Variants in DENND1A observed in about 807,000 individuals in gnomAD.
DENND1A encodes the protein DENN domain containing 1A.
In DENND1A, 51 loss-of-function variants were observed where a neutral mutation model predicts 113.7. That is an observed-to-expected ratio of 0.45 (90% CI 0.36 to 0.57). The LOEUF (loss-of-function observed/expected upper bound fraction) is 0.57. Among genes scored for constraint, DENND1A ranks in the 20% least tolerant of loss-of-function variants. The pLI is 0.00. For synonymous variants in DENND1A, 565 were observed against 570.8 expected (o/e 0.99, Z 0.14); for missense variants, 1,258 against 1,395.9 (o/e 0.90, Z 1.57).
intron 13 of DENND1A, among the ~76,000 whole-genome samples, chr9:123,462,446 A>T (rs10733663): frequency 6.6e-6 from 1 of 152,208 alleles, no homozygotes; most frequent in Non-Finnish European, 1.5e-5. Flanking sequence ...TTCTCCCTGC[A>T]GCCTCAGTCC....
At position 123,914,414 on chromosome 9, in the gene DENND1A, G is replaced by A. The variant is rs1854671081; in HGVS notation, c.17+15475C>T. Among the ~76,000 whole-genome samples the A allele has an allele frequency of 3.3e-5, 5 of 151,620 alleles. No homozygotes were observed. In the East Asian group the frequency reaches 5.8e-4, roughly 18 times the overall value. On this transcript the variant is annotated intron_variant, in intron 1 of 23. Transcript: ENST00000394215. Reference sequence around the variant, plus strand: ...AAATTAGCCGAGCATGGTGGCGAGCGCCTGTATGTAGTTCCAGCTACTCTG... The same window carrying A: ...AAATTAGCCGAGCATGGTGGCGAGCACCTGTATGTAGTTCCAGCTACTCTG...
At chr9:123,577,300 T>C (rs2058684027) in intron 12 of DENND1A, among the ~76,000 whole-genome samples, 1 of 152,166 alleles carries the variant, frequency 6.6e-6, no homozygotes, top group African/African-American at 2.4e-5. Context: ...TCTAGGTGTA[T>C]TTGTTGCTTA....
chr9:123,886,954 C>G (rs1463001780), intron 1 of DENND1A, among the ~76,000 whole-genome samples: 3 of 152,080 alleles, frequency 2.0e-5, no homozygotes, highest in Admixed American at 1.3e-4. Context: ...TCCATATATC[C>G]CTACGGGAAG....
intron 5 of DENND1A, among the ~76,000 whole-genome samples, chr9:123,749,113 T>C (rs545856605): frequency 1.3e-5 from 2 of 152,340 alleles, no homozygotes; most frequent in Admixed American, 6.5e-5. Flanking sequence ...GGAAGAATCA[T>C]TGCCATATCA....
At chr9:123,818,198 A>T (rs910953346) in intron 2 of DENND1A, among the ~76,000 whole-genome samples, 1 of 151,454 alleles carries the variant, frequency 6.6e-6, no homozygotes, top group Non-Finnish European at 1.5e-5. Flanking sequence ...TCCGCCTCCC[A>T]GGTTCACACC....
chr9:123,713,647 C>A (rs1334732180), intron 5 of DENND1A, among the ~76,000 whole-genome samples: 7 of 151,410 alleles, frequency 4.6e-5, no homozygotes, highest in Non-Finnish European at 1.0e-4. Context: ...CAGTTTTCCA[C>A]AAGTTGGGGT....
Position 123,381,901 on chromosome 9 carries a change from G to A in DENND1A, c.2744C>T (p.Pro915Leu), listed in dbSNP as rs746547346. The change falls in exon 24 of 24, where the codon CCT becomes CTT. Residue 915 changes from proline (P) to leucine (L), a missense_variant. Pro to Leu is a moderately conservative substitution (Grantham distance 98, BLOSUM62 -3). Coordinates refer to ENST00000394215, the MANE Select transcript of DENND1A (RefSeq NM_001352964.2). The surrounding 1 kb of genome is among the most constrained non-coding windows in gnomAD (Gnocchi z 4.7). ...TLPLVSTPAG[P>L]FGAPPASLGP... ...CAGGGAAGCTGGAGGGGCCCCGAAA[G>A]GCCCGGCTGGTGTGGAGACCAGGGG... is the stretch of plus-strand genomic sequence containing the variant. The A allele has an allele frequency of 3.4e-6, 5 of 1,454,306 alleles. No individual in the cohort carries two copies. The highest frequency in any genetic ancestry group is 2.9e-5 in the Admixed American group (1 of 34,848). The allele number at this position is 1,454,306 out of a possible 1,614,324, so 90.1% of individuals were successfully genotyped here. A position where few individuals can be genotyped will look rare whatever the true frequency, so the allele number is the denominator to read the frequency against.
Position 123,874,492 on chromosome 9 carries a change from C to T in DENND1A, c.88+4459G>A, listed in dbSNP as rs1438116853. Among the ~76,000 whole-genome samples, 5 of 152,206 alleles carry T rather than the reference C, an allele frequency of 3.3e-5. No homozygotes were observed. The East Asian group carries it at 7.7e-4, about 24-fold the overall frequency. On this transcript the variant is annotated intron_variant, in intron 2 of 23. Coordinates refer to ENST00000394215, the MANE Select transcript of DENND1A (RefSeq NM_001352964.2). ...CACGAGGCCAATAAGCCTATACCAG[C>T]TACTAAGGAGGCTAGTACCATCTAC...
intron 19 of DENND1A, among the ~76,000 whole-genome samples, chr9:123,425,464 G>GCGC (rs2045645210): frequency 6.6e-6 from 1 of 152,266 alleles, no homozygotes. Context: ...GCGCGTGCAG[G>GCGC]CGCCGCAGAA....
chr9:123,868,844 TG>T (rs1846133732), intron 2 of DENND1A, among the ~76,000 whole-genome samples: 1 of 152,240 alleles, frequency 6.6e-6, no homozygotes, highest in African/African-American at 2.4e-5. Context: ...TGGCTCACTT[TG>T]TTACTTCCTA....
chr9:123,547,450 A>T (rs1187299611), intron 13 of DENND1A, among the ~76,000 whole-genome samples: 1 of 152,120 alleles, frequency 6.6e-6, no homozygotes, highest in Non-Finnish European at 1.5e-5. Flanking sequence ...AATCACTTGA[A>T]CTTGGGAGGC....
Position 123,499,691 on chromosome 9 carries a change from C to T in DENND1A, c.994-41794G>A, listed in dbSNP as rs932605427. Among the ~76,000 whole-genome samples the T allele has an allele frequency of 2.6e-5, 4 of 152,256 alleles. No individual in the cohort carries two copies. The East Asian group carries it at 5.8e-4, about 22-fold the overall frequency. ...CACACTTCACCACCATCTTCTCCTG[C>T]TTACGGCAGATGGTTATGACAGTGG... On this transcript the variant is annotated intron_variant, in intron 13 of 23. Coordinates refer to ENST00000394215, the MANE Select transcript of DENND1A (RefSeq NM_001352964.2).
chr9:123,642,335 A>G (rs574070537), intron 9 of DENND1A, among the ~76,000 whole-genome samples: 2 of 152,362 alleles, frequency 1.3e-5, no homozygotes, highest in South Asian at 2.1e-4. Context: ...ACAGTTTTAA[A>G]TATTCTCTGG....
rs1376874365 is a variant in DENND1A at position 123,921,988 on chromosome 9, C to G, written c.17+7901G>C. On this transcript the variant is annotated intron_variant, in intron 1 of 23. Coordinates refer to ENST00000394215, the MANE Select transcript of DENND1A (RefSeq NM_001352964.2). ...CCAGGCTGGAATGCAGTGGCGTGAT[C>G]TTGACTCACTGCAACCTCCGTCTCC... Among the ~76,000 whole-genome samples, 3 of 150,852 alleles carry G rather than the reference C, an allele frequency of 2.0e-5. No individual in the cohort carries two copies. In the East Asian group the frequency reaches 5.9e-4, roughly 29 times the overall value.
At chr9:123,450,792 C>G (rs374830272) in intron 17 of DENND1A, 43 bp from the exon 18 acceptor site, 1 of 1,529,846 alleles carries the variant, frequency 6.5e-7, no homozygotes, top group Non-Finnish European at 9.0e-7. Flanking sequence ...CTTTCTGTTT[C>G]CAGCAGGGAC....
intron 2 of DENND1A, among the ~76,000 whole-genome samples, chr9:123,869,199 G>A (rs1282201440): frequency 6.6e-6 from 1 of 152,184 alleles, no homozygotes; most frequent in Non-Finnish European, 1.5e-5. Context: ...TGGACAAGTT[G>A]CTTCCTAGCT....
intron 2 of DENND1A, among the ~76,000 whole-genome samples, chr9:123,878,394 G>T (rs533100081): frequency 6.6e-6 from 1 of 152,026 alleles, no homozygotes; most frequent in Admixed American, 6.6e-5. Context: ...AAGATACCCT[G>T]GTCCTTCCTA....
At chr9:123,756,436 T>A (rs943740554) in intron 5 of DENND1A, among the ~76,000 whole-genome samples, 1 of 152,156 alleles carries the variant, frequency 6.6e-6, no homozygotes, top group Non-Finnish European at 1.5e-5. Context: ...CAAATTCTAA[T>A]GCTCTGGGCA....
chr9:123,412,735 G>A (rs2044406877), intron 19 of DENND1A, among the ~76,000 whole-genome samples: 2 of 152,214 alleles, frequency 1.3e-5, no homozygotes, highest in African/African-American at 4.8e-5. Context: ...GGGAGGCTGA[G>A]TAAGGAAAGT....
Sources: allele counts gnomAD v4.1 joint callset (sites outside exome capture counted in the v4.1 genomes callset), GRCh38; gene constraint gnomAD v4.1.1; non-coding constraint Gnocchi (gnomAD v3.1); transcripts MANE v1.5; gene names NCBI Gene and HGNC (gene_info 2026-07-23, HGNC 2026-07-21).